BRPF1: variants seen among roughly 807,000 people sequenced by gnomAD.
BRPF1 encodes the protein peregrin.
Under a neutral mutation model 115.0 loss-of-function variants are expected in BRPF1, and 15 were observed. The observed-to-expected ratio is 0.13, with a 90% CI of 0.09 to 0.20. The LOEUF is 0.20. BRPF1 is among the 10% of genes least tolerant of loss of function. The pLI is 1.00. For missense variants in BRPF1, 1,118 were observed against 1,638.3 expected, an observed-to-expected ratio of 0.68 and a Z score of 5.48; for synonymous variants, 647 against 619.8, an observed-to-expected ratio of 1.04 and a Z score of -0.65.
rs375329457 is a variant in BRPF1, at chr3:9,747,352, C to T, written c.*3C>T. 9.3e-6 allele frequency: 15 copies of T among 1,612,294 alleles called. No individual in the cohort carries two copies. The highest frequency in any genetic ancestry group is 1.7e-5 in the Admixed American group (1 of 59,972). On this transcript the variant is annotated 3_prime_UTR_variant, in exon 14 of 14. Transcript: ENST00000383829. This position sits in a 1 kb window ranked among gnomAD's most constrained non-coding sequence, Gnocchi z 5.6. ...GTGAGACCAGCGATAGTGATTGATA[C>T]TGCTCAACACAGCCCAACCTATAGT...
At chr3:9,744,874 C>T (rs2077095994) in intron 9 of BRPF1, 134 bp from the exon 10 acceptor site, 1 of 1,232,008 alleles carries the variant, frequency 8.1e-7, no homozygotes, top group East Asian at 2.3e-5. Flanking sequence ...AGAGCTAGCT[C>T]TGCTGGCCAA....
Position 9,734,182 on chromosome 3 carries a change from G to A in BRPF1, c.42G>A (p.Leu14=). Residue 14 remains leucine, a synonymous_variant, in exon 2 of 14, where the codon TTG becomes TTA. Transcript: ENST00000383829. The surrounding 1 kb of genome is among the most constrained non-coding windows in gnomAD (Gnocchi z 5.7). ...DFDVKTFCHN[L]RATKPPYECP... ...ATGTGAAGACTTTCTGCCACAACTT[G>A]CGGGCGACTAAGCCACCATACGAGT... 1 of 1,612,666 alleles carries A rather than the reference G, an allele frequency of 6.2e-7. No homozygotes were observed. The highest frequency in any genetic ancestry group is 8.5e-7 in the Non-Finnish European group (1 of 1,178,982).
At chr3:9,741,552 G>C in intron 5 of BRPF1, 113 bp downstream of exon 5, 1 of 1,162,456 alleles carries the variant, frequency 8.6e-7, no homozygotes, top group East Asian at 3.1e-5. Context: ...CAGGAGAATG[G>C]CGTGAACCTG....
chr3:9,744,916 A>G, intron 9 of BRPF1, 92 bp from the exon 10 acceptor site: 1 of 1,554,256 alleles, frequency 6.4e-7, no homozygotes, highest in South Asian at 1.1e-5. Flanking sequence ...CAGAAGGGGA[A>G]CCCAAGCTCC....
chr3:9,738,483 A>G (rs913330523), intron 2 of BRPF1, among the ~76,000 whole-genome samples: 3 of 152,246 alleles, frequency 2.0e-5, no homozygotes, highest in Non-Finnish European at 2.9e-5. Flanking sequence ...TGATGCTGAC[A>G]CTAGCTGAGA....
Position 9,743,911 on chromosome 3 carries a change from C to G in BRPF1, c.2635+10C>G, listed in dbSNP as rs529310802. ...CAGGAGACAAGCAAAGGTCTGAATC[C>G]CATGGCAAGGTGGACCCCAAAGCAA... On this transcript the variant is annotated intron_variant, in intron 8 of 13. Transcript: ENST00000383829. The surrounding 1 kb of genome is among the most constrained non-coding windows in gnomAD (Gnocchi z 6.1). 1.4e-5 allele frequency: 22 copies of G among 1,552,088 alleles called. No homozygotes were observed. Among genetic ancestry groups the G allele is most frequent in the Non-Finnish European group, 1.9e-5 (22 of 1,145,038 alleles).
chr3:9,736,046 C>CTTT (rs763386677), intron 2 of BRPF1, among the ~76,000 whole-genome samples: 2 of 141,020 alleles, frequency 1.4e-5, no homozygotes, highest in African/African-American at 2.7e-5. Flanking sequence ...GAGTCTCGCT[C>CTTT]TGTCACCCAG....
intron 12 of BRPF1, 137 bp downstream of exon 12, chr3:9,746,067 T>A: frequency 9.1e-7 from 1 of 1,099,950 alleles, no homozygotes; most frequent in Non-Finnish European, 1.3e-6. Flanking sequence ...AGATACAGCT[T>A]GAGTACCACT....
In BRPF1 at chr3:9,743,115, G is replaced by A. The variant is rs1303169818; in HGVS notation, c.2173G>A (p.Val725Met). 1.9e-6 allele frequency: 3 copies of A among 1,614,278 alleles called. No individual in the cohort carries two copies. Among genetic ancestry groups the A allele is most frequent in the East Asian group, 4.5e-5 (2 of 44,892 alleles). The change falls in exon 7 of 14, where the codon GTG (valine) becomes ATG (methionine). Residue 725 changes from valine to methionine, a missense_variant. Around this residue, in one of 10 missense-constraint regions of BRPF1, gnomAD observed 223 missense variants for 240.7 expected, o/e 0.93. Transcript: ENST00000383829. The surrounding 1 kb of genome is among the most constrained non-coding windows in gnomAD (Gnocchi z 6.1). ...AKDTIFYRAAVRLREQGGAVL... is the reference protein window; with the variant it reads ...AKDTIFYRAAMRLREQGGAVL... ...GGACACCATCTTCTACCGGGCAGCA[G>A]TGCGGCTTCGTGAGCAGGGTGGTGC...
Position 9,745,934 on chromosome 3 carries a change from T to C in BRPF1, c.3324+4T>C. On this transcript the variant is annotated splice_donor_region_variant and intron_variant, in intron 12 of 13. Transcript: ENST00000383829. The surrounding 1 kb of genome is among the most constrained non-coding windows in gnomAD (Gnocchi z 5.1). ...CTATCCATCATACCCAGCTCTGGTA[T>C]GCTTGCTTCTGTTACACTTCTTGCT... is the stretch of plus-strand genomic sequence containing the variant. 1 of 1,605,330 alleles carries C rather than the reference T, an allele frequency of 6.2e-7. No individual in the cohort carries two copies. The highest frequency in any genetic ancestry group is 8.5e-7 in the Non-Finnish European group (1 of 1,175,614).
chr3:9,743,489 G>C lies in BRPF1; in HGVS notation c.2312-89G>C. 7.0e-7 allele frequency: 1 copy of C among 1,425,844 alleles called. No individual in the cohort carries two copies. The highest frequency in any genetic ancestry group is 9.6e-7 in the Non-Finnish European group (1 of 1,041,906). 88.3% of individuals were successfully genotyped at this position (1,425,844 alleles called of 1,614,324 possible). On this transcript the variant is annotated intron_variant, in intron 7 of 13. Transcript: ENST00000383829. The surrounding 1 kb of genome is among the most constrained non-coding windows in gnomAD (Gnocchi z 6.1). ...TGTTCCTGGTGAGAAGCCCAGGGGG[G>C]ATGAGTGGGTTTCTTGCTGCCTGCC...
chr3:9,745,159 C>T lies in BRPF1; in HGVS notation c.3068+4C>T, dbSNP rs1157323333. On this transcript the variant is annotated splice_donor_region_variant and intron_variant, in intron 10 of 13. Transcript: ENST00000383829. This position sits in a 1 kb window ranked among gnomAD's most constrained non-coding sequence, Gnocchi z 5.1. ...GCGCTGCTTCAGACCGGACCAGGTA[C>T]CAGCCCTCCAGATCGAGGCCAACCT... 1.9e-6 allele frequency: 3 copies of T among 1,613,334 alleles called. No homozygotes were observed. The highest frequency in any genetic ancestry group is 2.2e-5 in the South Asian group (2 of 91,018).
chr3:9,741,191 C>A, intron 4 of BRPF1, 117 bp from the exon 5 acceptor site: 1 of 1,306,550 alleles, frequency 7.7e-7, no homozygotes, highest in Non-Finnish European at 1.1e-6. Context: ...GAGGCACTAC[C>A]AATAAATTAC....
Position 9,747,597 on chromosome 3 carries a change from C to T in BRPF1, c.*248C>T, listed in dbSNP as rs773047137. 2.3e-5 allele frequency: 10 copies of T among 431,204 alleles called. No homozygotes were observed. Among genetic ancestry groups the T allele is most frequent in the Non-Finnish European group, 4.2e-5 (10 of 238,600 alleles). The allele number at this position is 431,204 out of a possible 1,614,324, so 26.7% of individuals were successfully genotyped here. On this transcript the variant is annotated 3_prime_UTR_variant, in exon 14 of 14. Transcript: ENST00000383829. This position sits in a 1 kb window ranked among gnomAD's most constrained non-coding sequence, Gnocchi z 5.6. ...ACAGGTCAGAAAAAGCTCCAGAGAC[C>T]TCACAGCATTGTAGGGCGGGGTGGT... is the stretch of plus-strand genomic sequence containing the variant.
chr3:9,736,765 G>A (rs1575151260), intron 2 of BRPF1, among the ~76,000 whole-genome samples: 1 of 152,200 alleles, frequency 6.6e-6, no homozygotes, highest in African/African-American at 2.4e-5. Context: ...TTTTGGAAAC[G>A]ATTTACTTTT....
rs1559667768 is a variant in BRPF1 at position 9,745,190 on chromosome 3, G to T, written c.3068+35G>T. On this transcript the variant is annotated intron_variant, in intron 10 of 13. Coordinates refer to ENST00000383829, the MANE Select transcript of BRPF1 (RefSeq NM_001003694.2). The surrounding 1 kb of genome is among the most constrained non-coding windows in gnomAD (Gnocchi z 5.1). Reference sequence around the variant, plus strand: ...CTCCAGATCGAGGCCAACCTCAGGGGATGCCCTTCCAGGGCTCTTGGGCCT... The same window carrying T: ...CTCCAGATCGAGGCCAACCTCAGGGTATGCCCTTCCAGGGCTCTTGGGCCT... 6.2e-7 allele frequency: 1 copy of T among 1,605,292 alleles called. No individual in the cohort carries two copies. The highest frequency in any genetic ancestry group is 8.5e-7 in the Non-Finnish European group (1 of 1,176,494).
At chr3:9,735,168 T>G (rs1391733091) in intron 2 of BRPF1, among the ~76,000 whole-genome samples, 5 of 152,040 alleles carry the variant, frequency 3.3e-5, no homozygotes, top group African/African-American at 1.2e-4. Flanking sequence ...CATGCCACCA[T>G]GCCCAGCTAG....
In BRPF1 at chr3:9,747,807, A is replaced by G. The variant is rs1234802636; in HGVS notation, c.*458A>G. ...CCCTGCTGTTGTAAATACTGTAATTATCGGAGAATTTAAATTATTCTCATT... is the reference window on the plus strand; with the variant it reads ...CCCTGCTGTTGTAAATACTGTAATTGTCGGAGAATTTAAATTATTCTCATT... On this transcript the variant is annotated 3_prime_UTR_variant, in exon 14 of 14. Transcript: ENST00000383829. The surrounding 1 kb of genome is among the most constrained non-coding windows in gnomAD (Gnocchi z 5.6). 6.5e-6 allele frequency: 1 copy of G among 152,690 alleles called. No individual in the cohort carries two copies. The highest frequency in any genetic ancestry group is 1.5e-5 in the Non-Finnish European group (1 of 68,856). 9.5% of individuals were successfully genotyped at this position (152,690 alleles called of 1,614,324 possible).
Position 9,746,689 on chromosome 3 carries a change from A to C in BRPF1, c.3479+235A>C, listed in dbSNP as rs147012626. Reference sequence around the variant, plus strand: ...GAAACCAAAGGACCATCAGAGACTTATGACAAATATAGAGGTGGCTCCCAC... The same window carrying C: ...GAAACCAAAGGACCATCAGAGACTTCTGACAAATATAGAGGTGGCTCCCAC... On this transcript the variant is annotated intron_variant, in intron 13 of 13. Transcript: ENST00000383829. Among the ~76,000 whole-genome samples, 40 of 152,290 alleles carry C rather than the reference A, an allele frequency of 2.6e-4. No individual in the cohort carries two copies. In the East Asian group the frequency reaches 7.5e-3, roughly 29 times the overall value.
Sources: allele counts gnomAD v4.1 joint callset (sites outside exome capture counted in the v4.1 genomes callset), GRCh38; gene constraint gnomAD v4.1.1; regional missense constraint gnomAD v4.1.1; non-coding constraint Gnocchi (gnomAD v3.1); transcripts MANE v1.5; gene names NCBI Gene and HGNC (gene_info 2026-07-23, HGNC 2026-07-21).